The following BRI3BP variants were observed in gnomAD, a reference collection of about 807,000 sequenced individuals.
BRI3BP encodes BRI3 binding protein.
Under a neutral mutation model 15.8 loss-of-function variants are expected in BRI3BP, and 7 were observed. That is an observed-to-expected ratio of 0.44 (90% CI 0.25 to 0.83). The LOEUF (loss-of-function observed/expected upper bound fraction) is 0.83, where lower values mean the gene tolerates loss of function less well. Among genes scored for constraint, BRI3BP ranks in the 40% least tolerant of loss-of-function variants. BRI3BP has a pLI of 0.20. For synonymous variants in BRI3BP, 192 were observed against 163.5 expected (o/e 1.17, Z -1.33); for missense variants, 320 against 339.3 (o/e 0.94, Z 0.45).
chr12:125,017,893 G>A (rs1298409627), intron 2 of BRI3BP, among the ~76,000 whole-genome samples: 1 of 152,300 alleles, frequency 6.6e-6, no homozygotes, highest in Non-Finnish European at 1.5e-5. Flanking sequence ...CCAAATCCCA[G>A]CTCTGCCCTG....
At chr12:125,022,541 A>ATTTATTTATTTATTTTTTTTTT in intron 2 of BRI3BP, among the ~76,000 whole-genome samples, 3 of 139,432 alleles carry the variant, frequency 2.2e-5, no homozygotes, top group African/African-American at 8.7e-5. Flanking sequence ...TTATTTATTT[A>ATTTATTTATTTATTTTTTTTTT]TTTTTTGAGA....
chr12:124,999,599 T>TTTTTTA (rs1011493861), intron 1 of BRI3BP, among the ~76,000 whole-genome samples: 5 of 150,134 alleles, frequency 3.3e-5, no homozygotes, highest in African/African-American at 1.2e-4. Context: ...AAGTTTTTTA[T>TTTTTTA]TTTTTATTTT....
chr12:125,012,487 T>G, intron 1 of BRI3BP, 47 bp from the exon 2 acceptor site: 1 of 1,453,536 alleles, frequency 6.9e-7, no homozygotes, highest in Non-Finnish European at 9.7e-7. Context: ...GCTTGACTGA[T>G]GGAGGAAAAC....
chr12:125,047,210 G>A, the BRI3BP span, among the ~76,000 whole-genome samples: 1 of 151,058 alleles, frequency 6.6e-6, no homozygotes, highest in Non-Finnish European at 1.5e-5. Flanking sequence ...CTGCAGTGGC[G>A]CGATCTCGGC....
intron 1 of BRI3BP, among the ~76,000 whole-genome samples, chr12:124,996,870 T>C (rs1036014212): frequency 6.6e-6 from 1 of 150,886 alleles, no homozygotes; most frequent in Non-Finnish European, 1.5e-5. Context: ...ACAATTCTCC[T>C]GCCTCAGCCC....
the BRI3BP span, among the ~76,000 whole-genome samples, chr12:125,041,842 A>G: frequency 1.3e-5 from 2 of 152,158 alleles, no homozygotes; most frequent in African/African-American, 2.4e-5. Context: ...ACAGGTGTGC[A>G]CTGTCACACC....
At chr12:125,044,571 T>G in the BRI3BP span, among the ~76,000 whole-genome samples, 1 of 151,308 alleles carries the variant, frequency 6.6e-6, no homozygotes, top group South Asian at 2.1e-4. Flanking sequence ...CCCTTCAGCC[T>G]CCCAAGTAGC....
At chr12:125,033,749 G>GT (rs112871732), downstream of BRI3BP, among the ~76,000 whole-genome samples, 1,699 of 144,914 alleles carry the variant, frequency 0.012, 20 homozygotes, top group Middle Eastern at 0.05. Context: ...GTTTTTTTTT[G>GT]TTTTTTTTTT....
rs1209136785 is a variant in BRI3BP, at chr12:125,030,406, G to T, written c.*4976G>T. 6.6e-6 allele frequency: 1 copy of T among 152,174 alleles called. No homozygotes were observed. The highest frequency in any genetic ancestry group is 2.4e-5 in the African/African-American group (1 of 41,440). The allele number at this position is 152,174 out of a possible 1,614,324, so 9.4% of individuals were successfully genotyped here. ...CTTGTGAATAATAGGAATATATTTT[G>T]CAGAATCTAACATAATACCCTTAAA... On this transcript the variant is annotated 3_prime_UTR_variant, in exon 3 of 3. Transcript: ENST00000341446.
At chr12:125,035,299 C>T (rs1033474458), downstream of BRI3BP, among the ~76,000 whole-genome samples, 4 of 152,162 alleles carry the variant, frequency 2.6e-5, no homozygotes, top group Non-Finnish European at 5.9e-5. Context: ...TTCCTACCCA[C>T]TGTGTGTGAG....
the BRI3BP span, among the ~76,000 whole-genome samples, chr12:125,040,214 A>T: frequency 2.0e-5 from 3 of 150,844 alleles, no homozygotes; most frequent in Admixed American, 2.0e-4. Flanking sequence ...GTGAGCTGAG[A>T]TCACACCATT....
chr12:125,033,230 T>G (rs1483439045), downstream of BRI3BP, among the ~76,000 whole-genome samples: 3 of 152,168 alleles, frequency 2.0e-5, no homozygotes, highest in African/African-American at 7.2e-5. Flanking sequence ...TTATCTTGTG[T>G]AAAATGTAGA....
the BRI3BP span, among the ~76,000 whole-genome samples, chr12:125,037,054 C>G: frequency 6.6e-6 from 1 of 152,192 alleles, no homozygotes; most frequent in Non-Finnish European, 1.5e-5. Flanking sequence ...ATTAAAATGA[C>G]AAAAGGCTTT....
intron 2 of BRI3BP, among the ~76,000 whole-genome samples, chr12:125,023,183 C>T (rs1955315833): frequency 6.6e-6 from 1 of 152,140 alleles, no homozygotes; most frequent in South Asian, 2.1e-4. Context: ...AAGATGGACA[C>T]CTATTTCCCT....
chr12:125,013,935 C>T (rs1955217994), intron 2 of BRI3BP, among the ~76,000 whole-genome samples: 1 of 152,142 alleles, frequency 6.6e-6, no homozygotes, highest in African/African-American at 2.4e-5. Context: ...GTCCTGCAGC[C>T]TGTGCTACCC....
At chr12:125,038,024 G>A in the BRI3BP span, among the ~76,000 whole-genome samples, 1 of 152,086 alleles carries the variant, frequency 6.6e-6, no homozygotes, top group Non-Finnish European at 1.5e-5. Context: ...CAGGCACGGT[G>A]GCTCATGCAT....
intron 2 of BRI3BP, among the ~76,000 whole-genome samples, chr12:125,017,786 A>G (rs1955260456): frequency 6.6e-6 from 1 of 152,096 alleles, no homozygotes; most frequent in South Asian, 2.1e-4. Flanking sequence ...ACTTCCAACA[A>G]AGTTTCCAGT....
the BRI3BP span, among the ~76,000 whole-genome samples, chr12:125,040,260 CAAA>C: frequency 1.7e-5 from 2 of 118,826 alleles, no homozygotes; most frequent in African/African-American, 3.1e-5. Flanking sequence ...GACTCCATCT[CAAA>C]AAAAAAAAAA....
chr12:125,015,197 A>G (rs1018413856), intron 2 of BRI3BP, among the ~76,000 whole-genome samples: 1 of 152,108 alleles, frequency 6.6e-6, no homozygotes, highest in African/African-American at 2.4e-5. Flanking sequence ...CTTGTTTGGG[A>G]GTGGGGTCTG....
Sources: gnomAD v4.1 joint callset for allele counts (sites outside exome capture counted in the v4.1 genomes callset) on GRCh38, gnomAD v4.1.1 for gene constraint, MANE v1.5 for transcripts, NCBI Gene and HGNC (gene_info 2026-07-23, HGNC 2026-07-21) for gene names.